PHACTR1: variants seen among roughly 807,000 people sequenced by gnomAD.
PHACTR1 encodes phosphatase and actin regulator 1.
A neutral mutation model predicts 69.2 loss-of-function variants in PHACTR1; 16 were observed. The observed-to-expected ratio is 0.23, with a 90% confidence interval of 0.16 to 0.35. PHACTR1 has a LOEUF of 0.35. Among genes scored for constraint, PHACTR1 ranks in the 10% least tolerant of loss-of-function variants. The probability of loss-of-function intolerance (pLI) is 1.00; values close to 1 mark genes in which losing one functional copy is unlikely to be tolerated. For synonymous variants in PHACTR1, 312 were observed against 284.5 expected (o/e 1.10, Z -0.97); for missense variants, 510 against 734.7 (o/e 0.69, Z 3.54).
chr6:13,152,714 T>C (rs1824492841), intron 5 of PHACTR1, among the ~76,000 whole-genome samples: 1 of 152,252 alleles, frequency 6.6e-6, no homozygotes, highest in Admixed American at 6.5e-5. Context: ...GGAGATTTTA[T>C]TATTCTTCAG....
intron 5 of PHACTR1, among the ~76,000 whole-genome samples, chr6:13,093,817 A>G (rs1813680171): frequency 6.6e-6 from 1 of 152,220 alleles, no homozygotes; most frequent in African/African-American, 2.4e-5. Context: ...ATAGCCTTGA[A>G]TGCTGGACAG....
chr6:13,054,569 T>C (rs1323639216), intron 5 of PHACTR1, among the ~76,000 whole-genome samples: 1 of 152,252 alleles, frequency 6.6e-6, no homozygotes, highest in Non-Finnish European at 1.5e-5. Context: ...GCCATCTTGC[T>C]GTACACTCAC....
intron 5 of PHACTR1, among the ~76,000 whole-genome samples, chr6:13,110,845 G>A (rs916841698): frequency 1.4e-4 from 22 of 152,270 alleles, no homozygotes; most frequent in African/African-American, 5.1e-4. Flanking sequence ...GTCAGATCTG[G>A]CTACTGTAGT....
intron 5 of PHACTR1, among the ~76,000 whole-genome samples, chr6:13,055,745 A>G (rs1321130554): frequency 6.6e-6 from 1 of 152,260 alleles, no homozygotes; most frequent in Non-Finnish European, 1.5e-5. Flanking sequence ...GATTATGCCA[A>G]CGTCTTCAAG....
intron 4 of PHACTR1, among the ~76,000 whole-genome samples, chr6:13,010,087 T>C (rs977245449): frequency 2.6e-5 from 4 of 152,170 alleles, no homozygotes; most frequent in Non-Finnish European, 2.9e-5. Context: ...GGCTGTCTTC[T>C]GTTATTCTTA....
intron 4 of PHACTR1, among the ~76,000 whole-genome samples, chr6:12,894,395 A>G (rs1368897789): frequency 1.3e-5 from 2 of 152,212 alleles, no homozygotes; most frequent in Non-Finnish European, 2.9e-5. Context: ...ACTTGAGGTC[A>G]GGAGTTCGAG....
Position 13,164,426 on chromosome 6 carries a change from A to G in PHACTR1, c.496+4142A>G, listed in dbSNP as rs191272355. Among the ~76,000 whole-genome samples the G allele has an allele frequency of 2.0e-4, 31 of 152,226 alleles. No homozygotes were observed. The East Asian group carries it at 6.0e-3, about 29-fold the overall frequency. On this transcript the variant is annotated intron_variant, in intron 6 of 14. Coordinates refer to ENST00000332995, the MANE Select transcript of PHACTR1 (RefSeq NM_030948.6). ...TGTGTTAGCGCACATGACTCTAGCT[A>G]GTTACCGGCAGCAAAATCGTTTCCA...
intron 4 of PHACTR1, among the ~76,000 whole-genome samples, chr6:12,763,184 G>A (rs1478274163): frequency 6.6e-6 from 1 of 152,010 alleles, no homozygotes; most frequent in African/African-American, 2.4e-5. Context: ...TTGCACTCCA[G>A]CCTGGGCAAC....
intron 4 of PHACTR1, among the ~76,000 whole-genome samples, chr6:13,005,748 G>A (rs906294442): frequency 2.0e-5 from 3 of 152,004 alleles, no homozygotes; most frequent in South Asian, 2.1e-4. Context: ...CGGTGAATTC[G>A]ACGTCATATT....
At chr6:13,153,913 GC>G (rs1329912747) in intron 5 of PHACTR1, among the ~76,000 whole-genome samples, 2 of 152,066 alleles carry the variant, frequency 1.3e-5, no homozygotes, top group East Asian at 1.9e-4. Flanking sequence ...TTCTTAGTCT[GC>G]TTAGATTTAC....
intron 10 of PHACTR1, among the ~76,000 whole-genome samples, chr6:13,230,913 G>A (rs1489254634): frequency 1.3e-5 from 2 of 152,042 alleles, no homozygotes; most frequent in Non-Finnish European, 2.9e-5. Context: ...CTACATGGGA[G>A]GTTAAGGCAA....
intron 4 of PHACTR1, among the ~76,000 whole-genome samples, chr6:12,777,625 C>CTT (rs869096915): frequency 0.018 from 1,803 of 98,786 alleles, 145 homozygotes; most frequent in Non-Finnish European, 0.023. Context: ...CTTTCTTCTT[C>CTT]TTTTTTTTTT....
chr6:12,959,176 C>CAAAAAAAAAAAAAAAAAAA (rs70989814), intron 4 of PHACTR1, among the ~76,000 whole-genome samples: 2 of 46,260 alleles, frequency 4.3e-5, no homozygotes, highest in African/African-American at 1.9e-4. Context: ...GACTTTATCT[C>CAAAAAAAAAAAAAAAAAAA]AAAAAAAAAA....
intron 4 of PHACTR1, among the ~76,000 whole-genome samples, chr6:12,839,466 T>C (rs1337995699): frequency 6.6e-6 from 1 of 151,924 alleles, no homozygotes; most frequent in Non-Finnish European, 1.5e-5. Context: ...AAAGTCAGGT[T>C]TTGTCATGCC....
At chr6:13,060,833 C>A (rs1225761673) in intron 5 of PHACTR1, among the ~76,000 whole-genome samples, 1 of 152,128 alleles carries the variant, frequency 6.6e-6, no homozygotes, top group Non-Finnish European at 1.5e-5. Flanking sequence ...TAGTTGGGTC[C>A]ATCCAGAACT....
chr6:13,172,184 A>T (rs17376842), intron 6 of PHACTR1, among the ~76,000 whole-genome samples: 6,590 of 152,278 alleles, frequency 0.043, 217 homozygotes, highest in Non-Finnish European at 0.065. Context: ...CAGATTCCAT[A>T]GGAGAGAAAC....
chr6:13,020,887 C>T (rs1800869577), intron 4 of PHACTR1, among the ~76,000 whole-genome samples: 1 of 152,002 alleles, frequency 6.6e-6, no homozygotes. Flanking sequence ...GAGAAGGGCA[C>T]CTGGGGAGAT....
chr6:12,722,389 T>C (rs761804204), intron 3 of PHACTR1, among the ~76,000 whole-genome samples: 1 of 152,220 alleles, frequency 6.6e-6, no homozygotes, highest in Non-Finnish European at 1.5e-5. Flanking sequence ...AGATAACACC[T>C]TCTGTATTAG....
At chr6:12,875,951 G>A (rs1296892549) in intron 4 of PHACTR1, among the ~76,000 whole-genome samples, 5 of 152,144 alleles carry the variant, frequency 3.3e-5, no homozygotes, top group South Asian at 4.2e-4. Flanking sequence ...TTGGCCCAAC[G>A]TTATAATAAA....
Sources: allele counts gnomAD v4.1 joint callset (sites outside exome capture counted in the v4.1 genomes callset), GRCh38; gene constraint gnomAD v4.1.1; transcripts MANE v1.5; gene names NCBI Gene and HGNC (gene_info 2026-07-23, HGNC 2026-07-21).